Variants in NCOA2 observed in about 807,000 individuals in gnomAD.
The protein encoded by NCOA2 is nuclear receptor coactivator 2, also known as class E basic helix-loop-helix protein 75.
In NCOA2, 21 loss-of-function variants were observed where a neutral mutation model predicts 145.1. The ratio of observed to expected loss-of-function variants is 0.14; its 90% CI spans 0.10 to 0.21. The LOEUF (loss-of-function observed/expected upper bound fraction) is 0.21, where lower values mean the gene tolerates loss of function less well. Among genes scored for constraint, NCOA2 ranks in the 10% least tolerant of loss-of-function variants. The pLI, the probability that NCOA2 is intolerant of heterozygous loss-of-function variation, is 1.00. For missense variants in NCOA2, 1,472 were observed against 1,837.6 expected (o/e 0.80, Z 3.64); for synonymous variants, 619 against 637.5 (o/e 0.97, Z 0.44).
chr8:70,140,255 C>T (rs1174414853), intron 14 of NCOA2, among the ~76,000 whole-genome samples: 2 of 152,190 alleles, frequency 1.3e-5, no homozygotes, highest in African/African-American at 4.8e-5. Flanking sequence ...GGAGTCACTC[C>T]CTACTTCCTA....
At chr8:70,214,110 G>T in intron 3 of NCOA2, 35 bp from the exon 4 acceptor site, 1 of 1,558,684 alleles carries the variant, frequency 6.4e-7, no homozygotes, top group Non-Finnish European at 8.7e-7. Context: ...TGATGTATTT[G>T]AAAAAGAGCT....
rs958551163 is a variant in NCOA2 at position 70,111,304 on chromosome 8, TCAAAA to T, written c.*2323_*2327del. On this transcript the variant is annotated 3_prime_UTR_variant, in exon 23 of 23. Coordinates refer to ENST00000452400, the MANE Select transcript of NCOA2 (RefSeq NM_006540.4). ...GTTGTAGTGAAAAGGGACTTGAAAC[TCAAAA>T]CAAAACAAATCCAGTTTAAACTCCA... 4 of 226,360 alleles carry T rather than the reference TCAAAA, an allele frequency of 1.8e-5. No individual in the cohort carries two copies. The highest frequency in any genetic ancestry group is 4.4e-5 in the African/African-American group (2 of 44,964). The allele number at this position is 226,360 out of a possible 1,614,324, so 14.0% of individuals were successfully genotyped here. A position where few individuals can be genotyped will look rare whatever the true frequency, so the allele number is the denominator to read the frequency against.
intron 2 of NCOA2, among the ~76,000 whole-genome samples, chr8:70,265,151 G>A (rs1824463733): frequency 6.6e-6 from 1 of 152,132 alleles, no homozygotes; most frequent in South Asian, 2.1e-4. Context: ...AGGTCTTTAG[G>A]GAGTAATTAT....
intron 1 of NCOA2, among the ~76,000 whole-genome samples, chr8:70,365,469 T>C (rs1274437329): frequency 6.6e-6 from 1 of 152,256 alleles, no homozygotes; most frequent in East Asian, 1.9e-4. Context: ...TTTTTCTTCC[T>C]TCTCTGATTA....
At chr8:70,338,129 A>T (rs943553673) in intron 1 of NCOA2, among the ~76,000 whole-genome samples, 6 of 145,178 alleles carry the variant, frequency 4.1e-5, no homozygotes, top group Admixed American at 1.3e-4. Context: ...AAAAACCCTT[A>T]AAAAAAAATC....
At chr8:70,297,552 C>T (rs886853661) in intron 1 of NCOA2, among the ~76,000 whole-genome samples, 6 of 152,148 alleles carry the variant, frequency 3.9e-5, no homozygotes, top group Non-Finnish European at 7.3e-5. Flanking sequence ...GGGCTGGTCT[C>T]GAACTCCTAG....
intron 6 of NCOA2, 122 bp downstream of exon 6, chr8:70,170,080 C>T: frequency 1.0e-6 from 1 of 959,100 alleles, no homozygotes; most frequent in Middle Eastern, 2.4e-4. Context: ...TACCCAGTCA[C>T]TCTCCTCCCC....
chr8:70,196,283 C>T (rs922424528), intron 4 of NCOA2, among the ~76,000 whole-genome samples: 2 of 151,968 alleles, frequency 1.3e-5, no homozygotes, highest in Non-Finnish European at 2.9e-5. Flanking sequence ...GGCTGAGGCA[C>T]GAGAATCACT....
chr8:70,366,145 C>T (rs1438830548), intron 1 of NCOA2, among the ~76,000 whole-genome samples: 3 of 152,170 alleles, frequency 2.0e-5, no homozygotes, highest in Non-Finnish European at 4.4e-5. Flanking sequence ...CAATTTCGGG[C>T]ACCCAAGCCT....
chr8:70,139,545 C>T (rs996378375), intron 14 of NCOA2, among the ~76,000 whole-genome samples: 1 of 147,194 alleles, frequency 6.8e-6, no homozygotes, highest in South Asian at 2.2e-4. Context: ...CTCTGAGAAA[C>T]AATAAGCCAA....
rs397948517 is a variant in NCOA2 at position 70,160,500 on chromosome 8, T to TA, written c.977-849dup. Reference sequence around the variant, plus strand: ...TTAAAAAAGAACATTTCAATTCAGTTAAAAAAAAAGACATAGAATTTAGTT... The same window carrying TA: ...TTAAAAAAGAACATTTCAATTCAGTTAAAAAAAAAAGACATAGAATTTAGTT... On this transcript the variant is annotated intron_variant, in intron 9 of 22. Coordinates refer to ENST00000452400, the MANE Select transcript of NCOA2 (RefSeq NM_006540.4). Among the ~76,000 whole-genome samples, 1,176 of 151,158 alleles carry TA rather than the reference T, an allele frequency of 7.8e-3. 17 individuals are homozygous for TA. Among genetic ancestry groups the TA allele is most frequent in the Middle Eastern group, 0.031 (9 of 286 alleles).
At chr8:70,234,381 A>G (rs1821415106) in intron 2 of NCOA2, among the ~76,000 whole-genome samples, 1 of 152,178 alleles carries the variant, frequency 6.6e-6, no homozygotes, top group Non-Finnish European at 1.5e-5. Flanking sequence ...ATAGCTAGGA[A>G]TGGAATCGGT....
intron 12 of NCOA2, among the ~76,000 whole-genome samples, chr8:70,145,221 G>T (rs1191015606): frequency 3.3e-5 from 5 of 152,096 alleles, no homozygotes; most frequent in South Asian, 2.1e-4. Context: ...GCAATGGCAC[G>T]ATCTCGGCTC....
chr8:70,430,106 G>T, the NCOA2 span, among the ~76,000 whole-genome samples: 1 of 152,122 alleles, frequency 6.6e-6, no homozygotes, highest in East Asian at 1.9e-4. Flanking sequence ...TCCCATCTCG[G>T]GTTCCCAAAG....
chr8:70,286,391 A>G (rs1826234759), intron 2 of NCOA2, among the ~76,000 whole-genome samples: 1 of 152,212 alleles, frequency 6.6e-6, no homozygotes, highest in East Asian at 1.9e-4. Context: ...GGAAATATAC[A>G]TATATATTTC....
chr8:70,313,270 C>A (rs994145131), intron 1 of NCOA2, among the ~76,000 whole-genome samples: 3 of 152,078 alleles, frequency 2.0e-5, no homozygotes, highest in African/African-American at 7.2e-5. Context: ...TATTTATTCC[C>A]AAAGGGATTA....
At chr8:70,236,616 T>C (rs1033923976) in intron 2 of NCOA2, among the ~76,000 whole-genome samples, 2 of 152,058 alleles carry the variant, frequency 1.3e-5, no homozygotes, top group Non-Finnish European at 2.9e-5. Context: ...GCTGGCCCTC[T>C]CCGTATCTGT....
chr8:70,320,132 T>C (rs1286645105), intron 1 of NCOA2, among the ~76,000 whole-genome samples: 1 of 152,204 alleles, frequency 6.6e-6, no homozygotes, highest in Non-Finnish European at 1.5e-5. Context: ...ATGAAATGTC[T>C]GCCTCATTTC....
chr8:70,424,583 A>G, the NCOA2 span: 3 of 494,924 alleles, frequency 6.1e-6, no homozygotes, highest in Non-Finnish European at 1.2e-5. Context: ...ATAAGGCAGC[A>G]GCACAAGCGG....
Sources: gnomAD v4.1 joint callset for allele counts (sites outside exome capture counted in the v4.1 genomes callset) on GRCh38, gnomAD v4.1.1 for gene constraint, MANE v1.5 for transcripts, NCBI Gene and HGNC (gene_info 2026-07-23, HGNC 2026-07-21) for gene names.